EIF2AK3: variants seen among roughly 807,000 people sequenced by gnomAD.
EIF2AK3 encodes eukaryotic translation initiation factor 2-alpha kinase 3.
EIF2AK3 carries 50 observed loss-of-function variants against 113.5 expected under a neutral mutation model. The observed-to-expected ratio is 0.44, with a 90% CI of 0.35 to 0.56. EIF2AK3 has a LOEUF of 0.56. Among genes scored for constraint, EIF2AK3 ranks in the 20% least tolerant of loss-of-function variants. The pLI is 0.00. For synonymous variants in EIF2AK3, 448 were observed against 495.4 expected, an observed-to-expected ratio of 0.90 and a Z score of 1.27; for missense variants, 1,185 against 1,378.0, an observed-to-expected ratio of 0.86 and a Z score of 2.22.
intron 2 of EIF2AK3, among the ~76,000 whole-genome samples, chr2:88,606,378 T>A (rs141021002): frequency 6.6e-6 from 1 of 152,196 alleles, no homozygotes; most frequent in Admixed American, 6.5e-5. Flanking sequence ...TGGGATAAAT[T>A]AGCTTAGTTC....
chr2:88,590,349 C>T, intron 6 of EIF2AK3, 94 bp downstream of exon 6: 1 of 1,302,318 alleles, frequency 7.7e-7, no homozygotes, highest in South Asian at 1.2e-5. Context: ...GGATTTAAAA[C>T]TACTACAGGC....
chr2:88,561,149 C>T (rs1239422273), intron 15 of EIF2AK3, among the ~76,000 whole-genome samples: 1 of 151,456 alleles, frequency 6.6e-6, no homozygotes, highest in Non-Finnish European at 1.5e-5. Flanking sequence ...GAGATGGGGT[C>T]TTACTATGTT....
intron 7 of EIF2AK3, 66 bp downstream of exon 7, chr2:88,588,695 G>A: frequency 6.4e-7 from 1 of 1,569,960 alleles, no homozygotes; most frequent in Non-Finnish European, 8.8e-7. Flanking sequence ...CAAAACTAGG[G>A]CAAAGACAGT....
intron 10 of EIF2AK3, among the ~76,000 whole-genome samples, chr2:88,583,093 C>T (rs1029796900): frequency 3.9e-5 from 6 of 151,916 alleles, no homozygotes; most frequent in African/African-American, 7.3e-5. Flanking sequence ...ATGAGGATTC[C>T]GAAACGTGGA....
chr2:88,558,137 T>TG (rs1673835368), intron 16 of EIF2AK3, among the ~76,000 whole-genome samples: 1 of 152,198 alleles, frequency 6.6e-6, no homozygotes, highest in South Asian at 2.1e-4. Context: ...TTAATGGGCA[T>TG]GGCTGTGTTC....
At chr2:88,616,400 G>T (rs1424755611) in intron 1 of EIF2AK3, among the ~76,000 whole-genome samples, 1 of 152,060 alleles carries the variant, frequency 6.6e-6, no homozygotes, top group Non-Finnish European at 1.5e-5. Context: ...CTACAGAGCA[G>T]ACTCTCCATA....
chr2:88,586,782 G>T (rs1674741675), intron 8 of EIF2AK3, among the ~76,000 whole-genome samples: 1 of 150,844 alleles, frequency 6.6e-6, no homozygotes, highest in Non-Finnish European at 1.5e-5. Flanking sequence ...AGTAAAGATG[G>T]GGTTTCACCA....
chr2:88,617,665 G>A (rs1675618466), intron 1 of EIF2AK3, among the ~76,000 whole-genome samples: 1 of 151,860 alleles, frequency 6.6e-6, no homozygotes, highest in South Asian at 2.1e-4. Context: ...GCTAAGGCAG[G>A]GGAATCGCTT....
chr2:88,585,046 G>A (rs1437689317), intron 9 of EIF2AK3, among the ~76,000 whole-genome samples: 3 of 152,296 alleles, frequency 2.0e-5, no homozygotes, highest in Admixed American at 2.0e-4. Context: ...GAGTTAGGGT[G>A]TGGAGAATGG....
chr2:88,567,424 C>A (rs922887503), intron 14 of EIF2AK3, among the ~76,000 whole-genome samples: 1 of 152,328 alleles, frequency 6.6e-6, no homozygotes, highest in Non-Finnish European at 1.5e-5. Context: ...AACTTAGCTA[C>A]ATCAAGTACA....
At chr2:88,606,256 T>C (rs1675271307) in intron 2 of EIF2AK3, among the ~76,000 whole-genome samples, 1 of 151,502 alleles carries the variant, frequency 6.6e-6, no homozygotes, top group African/African-American at 2.4e-5. Context: ...CCTAGATTAA[T>C]ATATATTCAT....
chr2:88,571,459 T>C (rs1422490652), intron 13 of EIF2AK3, among the ~76,000 whole-genome samples: 4 of 152,212 alleles, frequency 2.6e-5, no homozygotes, highest in Non-Finnish European at 5.9e-5. Context: ...CAAAGCAGTT[T>C]ACTACTACTA....
At chr2:88,573,010 A>C (rs948345291) in intron 13 of EIF2AK3, among the ~76,000 whole-genome samples, 4 of 152,098 alleles carry the variant, frequency 2.6e-5, no homozygotes, top group Non-Finnish European at 4.4e-5. Flanking sequence ...CCAAAATATA[A>C]CAGGGGGAGA....
At chr2:88,608,751 C>A (rs1328711942) in intron 2 of EIF2AK3, among the ~76,000 whole-genome samples, 4 of 133,116 alleles carry the variant, frequency 3.0e-5, no homozygotes, top group Non-Finnish European at 6.2e-5. Flanking sequence ...CTCTGTCACC[C>A]AGGCTGGAGT....
At chr2:88,558,399 C>T (rs1462985414) in intron 16 of EIF2AK3, among the ~76,000 whole-genome samples, 1 of 152,124 alleles carries the variant, frequency 6.6e-6, no homozygotes, top group East Asian at 1.9e-4. Flanking sequence ...AGATCAGCAA[C>T]CAACACCTTT....
intron 2 of EIF2AK3, among the ~76,000 whole-genome samples, chr2:88,605,873 G>T (rs1675259016): frequency 6.6e-6 from 1 of 152,018 alleles, no homozygotes; most frequent in Non-Finnish European, 1.5e-5. Context: ...AAAAGTAAAG[G>T]GTCTCCAGGA....
At chr2:88,559,733 CT>C (rs1461957069) in intron 15 of EIF2AK3, among the ~76,000 whole-genome samples, 1 of 152,018 alleles carries the variant, frequency 6.6e-6, no homozygotes, top group Non-Finnish European at 1.5e-5. Flanking sequence ...TTGTGTCTGG[CT>C]TTTTTCACTC....
intron 1 of EIF2AK3, among the ~76,000 whole-genome samples, chr2:88,619,000 C>CT (rs749982072): frequency 0.016 from 2,308 of 140,630 alleles, 54 homozygotes; most frequent in African/African-American, 0.049. Context: ...ATCTATCATT[C>CT]TTTTTTTTTT....
chr2:88,576,070 A>G (rs544309777), intron 12 of EIF2AK3, among the ~76,000 whole-genome samples: 27 of 152,356 alleles, frequency 1.8e-4, no homozygotes, highest in African/African-American at 6.5e-4. Flanking sequence ...CAAATAGTTC[A>G]AAACTACTTA....
Sources: allele counts gnomAD v4.1 joint callset (sites outside exome capture counted in the v4.1 genomes callset), GRCh38; gene constraint gnomAD v4.1.1; transcripts MANE v1.5; gene names NCBI Gene and HGNC (gene_info 2026-07-23, HGNC 2026-07-21).